E2F3: variants seen among roughly 807,000 people sequenced by gnomAD.
The protein encoded by E2F3 is transcription factor E2F3.
Under a neutral mutation model 44.4 loss-of-function variants are expected in E2F3, and 11 were observed. The ratio of observed to expected loss-of-function variants is 0.25; its 90% CI spans 0.16 to 0.41. E2F3 has a LOEUF of 0.41. Ranked by LOEUF, E2F3 falls within the 10% of genes least tolerant of loss-of-function variation. The pLI is 1.00. For missense variants in E2F3, 487 were observed against 583.6 expected (o/e 0.83, Z 1.70); for synonymous variants, 249 against 253.0 (o/e 0.98, Z 0.15).
chr6:20,409,074 G>A (rs527455628), intron 1 of E2F3, among the ~76,000 whole-genome samples: 3 of 152,220 alleles, frequency 2.0e-5, no homozygotes, highest in Non-Finnish European at 4.4e-5. Flanking sequence ...AGCCAAAACC[G>A]AAACGGGAGA....
In E2F3 at chr6:20,491,367, A is replaced by C. The variant is rs1477002823; in HGVS notation, c.*937A>C. Reference sequence around the variant, plus strand: ...CAGAGGGAGAGAACCTCTACTGATCAGAGCATCTAAACCTGTGTGATCTAA... The same window carrying C: ...CAGAGGGAGAGAACCTCTACTGATCCGAGCATCTAAACCTGTGTGATCTAA... On this transcript the variant is annotated 3_prime_UTR_variant, in exon 7 of 7. Coordinates refer to ENST00000346618, the MANE Select transcript of E2F3 (RefSeq NM_001949.5). 1 of 227,762 alleles carries C rather than the reference A, an allele frequency of 4.4e-6. No individual in the cohort carries two copies. Among genetic ancestry groups the C allele is most frequent in the African/African-American group, 2.2e-5 (1 of 44,994 alleles). The allele number at this position is 227,762 out of a possible 1,614,324, so 14.1% of individuals were successfully genotyped here. A position where few individuals can be genotyped will look rare whatever the true frequency, so the allele number is the denominator to read the frequency against.
intron 1 of E2F3, among the ~76,000 whole-genome samples, chr6:20,421,262 C>G (rs1451576786): frequency 1.3e-5 from 2 of 152,204 alleles, no homozygotes; most frequent in African/African-American, 4.8e-5. Context: ...GGCTTCCTCC[C>G]ATTAACCATG....
At chr6:20,453,345 T>G (rs1214609264) in intron 1 of E2F3, among the ~76,000 whole-genome samples, 1 of 152,230 alleles carries the variant, frequency 6.6e-6, no homozygotes, top group African/African-American at 2.4e-5. Context: ...TTTTTTTACA[T>G]TTAAATATTT....
intron 1 of E2F3, among the ~76,000 whole-genome samples, chr6:20,423,557 G>C (rs533538599): frequency 6.6e-6 from 1 of 152,140 alleles, no homozygotes; most frequent in South Asian, 2.1e-4. Context: ...TGCAACCTCT[G>C]CCTCCTGGGT....
At chr6:20,473,755 C>T (rs1761962748) in intron 1 of E2F3, among the ~76,000 whole-genome samples, 1 of 152,172 alleles carries the variant, frequency 6.6e-6, no homozygotes, top group South Asian at 2.1e-4. Flanking sequence ...CCTAATAATG[C>T]CCAGTGAAAA....
chr6:20,440,082 G>C (rs1366885844), intron 1 of E2F3: 1 of 152,056 alleles, frequency 6.6e-6, no homozygotes, highest in Non-Finnish European at 1.5e-5. Context: ...GTGCTATCTG[G>C]CCCCCTTTGT....
chr6:20,492,189 C>CA lies in E2F3; in HGVS notation c.*1760dup, dbSNP rs1357359491. 4.4e-6 allele frequency: 1 copy of CA among 228,906 alleles called. No homozygotes were observed. Among genetic ancestry groups the CA allele is most frequent in the East Asian group, 6.2e-5 (1 of 16,010 alleles). The allele number at this position is 228,906 out of a possible 1,614,324, so 14.2% of individuals were successfully genotyped here. A position where few individuals can be genotyped will look rare whatever the true frequency, so the allele number is the denominator to read the frequency against. On this transcript the variant is annotated 3_prime_UTR_variant, in exon 7 of 7. Transcript: ENST00000346618. ...CACAAAAAACCACAAGAGCCCCAGC[C>CA]AGTTTACTCCAGGTAGATTTCCACA... is the stretch of plus-strand genomic sequence containing the variant.
intron 1 of E2F3, among the ~76,000 whole-genome samples, chr6:20,425,144 G>T (rs1238904456): frequency 6.6e-6 from 1 of 152,178 alleles, no homozygotes; most frequent in Non-Finnish European, 1.5e-5. Context: ...TTTGCCAAGG[G>T]TATTTGTTCA....
intron 1 of E2F3, among the ~76,000 whole-genome samples, chr6:20,442,321 C>CTG (rs1760805486): frequency 6.6e-6 from 1 of 152,190 alleles, no homozygotes; most frequent in Non-Finnish European, 1.5e-5. Context: ...TAACCGTCTT[C>CTG]TTAATAGCTG....
chr6:20,485,380 A>T (rs1415500713), intron 4 of E2F3, among the ~76,000 whole-genome samples: 1 of 152,144 alleles, frequency 6.6e-6, no homozygotes, highest in East Asian at 1.9e-4. Context: ...GGAGTTCAAG[A>T]CCAGCCTGGG....
chr6:20,474,243 T>A (rs190189906), intron 1 of E2F3, among the ~76,000 whole-genome samples: 73 of 152,330 alleles, frequency 4.8e-4, no homozygotes, highest in African/African-American at 1.6e-3. Context: ...CAGCTCTAAC[T>A]ACATACATTT....
chr6:20,463,302 G>A (rs771590958), intron 1 of E2F3, among the ~76,000 whole-genome samples: 5 of 152,126 alleles, frequency 3.3e-5, no homozygotes, highest in Admixed American at 6.5e-5. Flanking sequence ...AAATCCCAGT[G>A]CTTTGGGAGG....
chr6:20,480,906 G>A (rs1384599848), intron 2 of E2F3, among the ~76,000 whole-genome samples: 9 of 152,228 alleles, frequency 5.9e-5, no homozygotes, highest in South Asian at 4.1e-4. Flanking sequence ...TTTAGCGCCC[G>A]CTATATGTAA....
At chr6:20,413,586 G>T (rs9465734) in intron 1 of E2F3, among the ~76,000 whole-genome samples, 37,082 of 152,082 alleles carry the variant, frequency 0.24, 4,705 homozygotes, top group Admixed American at 0.32. Flanking sequence ...ATTCTCAAGC[G>T]GTTGAGAATC....
At chr6:20,447,595 C>T (rs1270111360) in intron 1 of E2F3, among the ~76,000 whole-genome samples, 2 of 151,750 alleles carry the variant, frequency 1.3e-5, no homozygotes, top group Non-Finnish European at 2.9e-5. Context: ...GGGGTAAGGG[C>T]CGAGATGAAG....
intron 1 of E2F3, among the ~76,000 whole-genome samples, chr6:20,465,161 C>T (rs962785668): frequency 6.6e-6 from 1 of 152,202 alleles, no homozygotes; most frequent in Non-Finnish European, 1.5e-5. Context: ...CACTTGTGTC[C>T]ATAAGGCTGT....
At chr6:20,454,637 A>G (rs184189719) in intron 1 of E2F3, among the ~76,000 whole-genome samples, 27 of 152,344 alleles carry the variant, frequency 1.8e-4, no homozygotes, top group Admixed American at 1.6e-3. Flanking sequence ...ACTGGTTTCT[A>G]TAATATGCTA....
chr6:20,463,345 T>A (rs951119952), intron 1 of E2F3, among the ~76,000 whole-genome samples: 4 of 152,296 alleles, frequency 2.6e-5, no homozygotes, highest in African/African-American at 9.6e-5. Flanking sequence ...AGCCAGGAGT[T>A]CGAGACCAGC....
chr6:20,437,009 A>G (rs933061071), intron 1 of E2F3, among the ~76,000 whole-genome samples: 14 of 152,096 alleles, frequency 9.2e-5, no homozygotes, highest in African/African-American at 3.1e-4. Context: ...AATCCCAGCT[A>G]TTTGGGAGGC....
Sources: allele counts gnomAD v4.1 joint callset (sites outside exome capture counted in the v4.1 genomes callset), GRCh38; gene constraint gnomAD v4.1.1; transcripts MANE v1.5; gene names NCBI Gene and HGNC (gene_info 2026-07-23, HGNC 2026-07-21).